Variants in LIN7A observed in about 807,000 individuals in gnomAD.
LIN7A encodes lin-7 cell polarity scaffold A.
Under a neutral mutation model 29.8 loss-of-function variants are expected in LIN7A, and 25 were observed. The observed-to-expected ratio is 0.84, with a 90% CI of 0.61 to 1.17. The LOEUF (loss-of-function observed/expected upper bound fraction) is 1.17, where lower values mean the gene tolerates loss of function less well. LIN7A is among the 50% of genes most tolerant of loss of function. The probability of loss-of-function intolerance (pLI) is 0.00; values close to 1 mark genes in which losing one functional copy is unlikely to be tolerated. For synonymous variants in LIN7A, 118 were observed against 107.5 expected (o/e 1.10, Z -0.60); for missense variants, 239 against 287.0 (o/e 0.83, Z 1.21).
intron 5 of LIN7A, among the ~76,000 whole-genome samples, chr12:80,808,638 T>C (rs1871152160): frequency 6.6e-6 from 1 of 151,778 alleles, no homozygotes; most frequent in South Asian, 2.1e-4. Context: ...CCTGAGTAGC[T>C]GGGACTACAG....
intron 2 of LIN7A, among the ~76,000 whole-genome samples, chr12:80,882,439 T>C (rs1165447147): frequency 1.4e-5 from 2 of 148,080 alleles, no homozygotes; most frequent in East Asian, 2.0e-4. Context: ...CGCCCGCCAC[T>C]ACGCCCGGCT....
At chr12:80,931,122 G>A (rs1565934325) in intron 1 of LIN7A, among the ~76,000 whole-genome samples, 1 of 152,146 alleles carries the variant, frequency 6.6e-6, no homozygotes, top group Non-Finnish European at 1.5e-5. Flanking sequence ...GTACTCCCTA[G>A]ATGTTTTCTT....
At chr12:80,893,989 G>A (rs1274645789) in intron 1 of LIN7A, among the ~76,000 whole-genome samples, 1 of 152,168 alleles carries the variant, frequency 6.6e-6, no homozygotes, top group Admixed American at 6.5e-5. Flanking sequence ...CAAATAGGTG[G>A]GAGTGATAAA....
chr12:80,931,298 C>A (rs1303900778), intron 1 of LIN7A, among the ~76,000 whole-genome samples: 1 of 152,086 alleles, frequency 6.6e-6, no homozygotes, highest in Non-Finnish European at 1.5e-5. Context: ...TTTTTGTAAC[C>A]AAAATGCTTT....
intron 1 of LIN7A, among the ~76,000 whole-genome samples, chr12:80,902,217 G>GGTTTTTTTTTTTTTTTT (rs1876251078): frequency 4.0e-5 from 5 of 125,644 alleles, no homozygotes; most frequent in African/African-American, 1.2e-4. Context: ...TGGTCTATGT[G>GGTTTTTTTTTTTTTTTT]TTTTTTTTTT....
intron 2 of LIN7A, among the ~76,000 whole-genome samples, chr12:80,868,160 T>C (rs1201719427): frequency 6.6e-6 from 1 of 152,192 alleles, no homozygotes; most frequent in Non-Finnish European, 1.5e-5. Flanking sequence ...AAGAGTGTAA[T>C]AATCATTATG....
intron 4 of LIN7A, among the ~76,000 whole-genome samples, chr12:80,839,979 A>G (rs893922761): frequency 1.4e-4 from 22 of 152,154 alleles, no homozygotes; most frequent in Admixed American, 7.9e-4. Flanking sequence ...GTGCTCTAAG[A>G]CAATGTTTGC....
intron 4 of LIN7A, among the ~76,000 whole-genome samples, chr12:80,822,524 C>T (rs573223727): frequency 6.6e-6 from 1 of 152,282 alleles, no homozygotes; most frequent in East Asian, 1.9e-4. Flanking sequence ...CACCACTTCA[C>T]TCCAGCCTGG....
At chr12:80,925,502 G>GT (rs1877535636) in intron 1 of LIN7A, among the ~76,000 whole-genome samples, 1 of 152,192 alleles carries the variant, frequency 6.6e-6, no homozygotes, top group Non-Finnish European at 1.5e-5. Flanking sequence ...AATTATCATT[G>GT]TTGGGTAGTT....
In LIN7A at chr12:80,811,651, C is replaced by T. The variant is rs759970006; in HGVS notation, c.516G>A (p.Val172=). 3.7e-6 allele frequency: 6 copies of T among 1,612,486 alleles called. No homozygotes were observed. In the South Asian group the frequency reaches 6.6e-5, roughly 18 times the overall value. ...SVEGEHHEKA[V]ELLKAAKDSV... is the part of the protein sequence containing the mutation. Reference sequence around the variant, plus strand: ...TGTCTTTAGCAGCCTTGAGTAGTTCCACAGCTTTCTCATGGTGTTCTCCTT... The same window carrying T: ...TGTCTTTAGCAGCCTTGAGTAGTTCTACAGCTTTCTCATGGTGTTCTCCTT... The change falls in exon 5 of 6, where the codon GTG becomes GTA. Residue 172 remains valine (V), a synonymous_variant. Coordinates refer to ENST00000552864, the MANE Select transcript of LIN7A (RefSeq NM_004664.4).
rs778892587 is a variant in LIN7A, at chr12:80,793,885, C to T, written c.*3842G>A. ...TAAAAATGGGGTTTTATGTTTGAAT[C>T]ATTCCTGCCAGATAATTCAGGAAGC... On this transcript the variant is annotated 3_prime_UTR_variant, in exon 6 of 6. Coordinates refer to ENST00000552864, the MANE Select transcript of LIN7A (RefSeq NM_004664.4). 1.6e-4 allele frequency: 24 copies of T among 152,034 alleles called. No individual in the cohort carries two copies. Among genetic ancestry groups the T allele is most frequent in the Non-Finnish European group, 3.2e-4 (22 of 67,972 alleles). The allele number at this position is 152,034 out of a possible 1,614,324, so 9.4% of individuals were successfully genotyped here.
At chr12:80,870,545 G>A (rs1465420558) in intron 2 of LIN7A, among the ~76,000 whole-genome samples, 2 of 152,148 alleles carry the variant, frequency 1.3e-5, no homozygotes, top group African/African-American at 2.4e-5. Flanking sequence ...CATCACTTCC[G>A]TTCTTCTTAT....
intron 5 of LIN7A, among the ~76,000 whole-genome samples, chr12:80,798,561 C>A (rs1675410160): frequency 6.6e-6 from 1 of 152,114 alleles, no homozygotes. Flanking sequence ...TATAACAACA[C>A]ATAAGCATTA....
At chr12:80,820,095 C>A (rs1871723158) in intron 4 of LIN7A, among the ~76,000 whole-genome samples, 1 of 152,152 alleles carries the variant, frequency 6.6e-6, no homozygotes, top group Non-Finnish European at 1.5e-5. Context: ...ATGCTAATTA[C>A]AAATGATCAT....
chr12:80,867,794 T>G (rs546936572), intron 2 of LIN7A, among the ~76,000 whole-genome samples: 1 of 152,292 alleles, frequency 6.6e-6, no homozygotes, highest in African/African-American at 2.4e-5. Context: ...CCTCTTAAAT[T>G]TATTGTGGTA....
At chr12:80,881,867 C>G (rs1875062550) in intron 2 of LIN7A, among the ~76,000 whole-genome samples, 1 of 152,138 alleles carries the variant, frequency 6.6e-6, no homozygotes, top group Non-Finnish European at 1.5e-5. Context: ...GGTTATTCTT[C>G]CATTTTTCAT....
intron 2 of LIN7A, among the ~76,000 whole-genome samples, chr12:80,856,660 T>A (rs1873616961): frequency 6.6e-6 from 1 of 152,208 alleles, no homozygotes; most frequent in Admixed American, 6.5e-5. Context: ...TGCCTTTGGC[T>A]ACAAAGTGCT....
At chr12:80,849,006 C>T (rs1407675870) in intron 2 of LIN7A, among the ~76,000 whole-genome samples, 1 of 152,154 alleles carries the variant, frequency 6.6e-6, no homozygotes, top group Admixed American at 6.6e-5. Flanking sequence ...GCATTTTTGA[C>T]TGGCTCATAA....
At chr12:80,883,215 T>G (rs1299644924) in intron 2 of LIN7A, among the ~76,000 whole-genome samples, 1 of 152,170 alleles carries the variant, frequency 6.6e-6, no homozygotes. Flanking sequence ...TTATCTCATA[T>G]TGTCACTAAT....
Sources: allele counts gnomAD v4.1 joint callset (sites outside exome capture counted in the v4.1 genomes callset), GRCh38; gene constraint gnomAD v4.1.1; transcripts MANE v1.5; gene names NCBI Gene and HGNC (gene_info 2026-07-23, HGNC 2026-07-21).